GREB1: variants seen among roughly 807,000 people sequenced by gnomAD.
GREB1 encodes growth regulating estrogen receptor binding 1, also known as protein GREB1.
In GREB1, 106 loss-of-function variants were observed where a neutral mutation model predicts 200.7. The ratio of observed to expected loss-of-function variants is 0.53; its 90% CI spans 0.45 to 0.62. The LOEUF is 0.62. Ranked by LOEUF, GREB1 falls within the 20% of genes least tolerant of loss-of-function variation. GREB1 has a pLI of 0.00. For synonymous variants in GREB1, 1,132 were observed against 1,092.4 expected, an observed-to-expected ratio of 1.04 and a Z score of -0.72; for missense variants, 2,243 against 2,556.8, an observed-to-expected ratio of 0.88 and a Z score of 2.65.
intron 1 of GREB1, among the ~76,000 whole-genome samples, chr2:11,495,082 T>C (rs1558482363): frequency 6.6e-6 from 1 of 152,170 alleles, no homozygotes; most frequent in African/African-American, 2.4e-5. Flanking sequence ...TGACATTGAT[T>C]GGTCTTCCTG....
In GREB1 at chr2:11,598,759, G is replaced by C; in HGVS notation, c.2232G>C (p.Thr744=). 6.2e-7 allele frequency: 1 copy of C among 1,614,102 alleles called. No individual in the cohort carries two copies. The highest frequency in any genetic ancestry group is 8.5e-7 in the Non-Finnish European group (1 of 1,179,926). The part of the protein sequence containing the change: ...RVEQYVLKLD[T]EAQTKFKAFL... ...AACAGTATGTTCTGAAGCTAGACACGGAGGCACAGACAAAATTTAAGGCTT... is the reference window on the plus strand; with the variant it reads ...AACAGTATGTTCTGAAGCTAGACACCGAGGCACAGACAAAATTTAAGGCTT... The change falls in exon 15 of 33, where the codon ACG becomes ACC. Residue 744 remains threonine, a synonymous_variant. Coordinates refer to ENST00000381486, the MANE Select transcript of GREB1 (RefSeq NM_014668.4).
chr2:11,559,970 C>G (rs1024142890), intron 2 of GREB1, among the ~76,000 whole-genome samples: 1 of 152,208 alleles, frequency 6.6e-6, no homozygotes, highest in Non-Finnish European at 1.5e-5. Context: ...CTGCTGGAAA[C>G]GTTCAGCTTC....
chr2:11,497,971 CTTTTTTTTTTTTTTTTTTT>C (rs70955803), intron 1 of GREB1, among the ~76,000 whole-genome samples: 41 of 40,626 alleles, frequency 1.0e-3, no homozygotes, highest in Admixed American at 5.3e-3. Context: ...CAGAGCAAAA[CTTTTTTTTTTTTTTTTTTT>C]TTTTTTTTTT....
intron 1 of GREB1, among the ~76,000 whole-genome samples, chr2:11,491,758 C>T (rs1050141870): frequency 1.3e-5 from 2 of 152,180 alleles, no homozygotes; most frequent in Non-Finnish European, 2.9e-5. Flanking sequence ...AGGCTGGAGG[C>T]CATAAGTGGC....
At chr2:11,607,575 CACATATAT>C (rs1196305623) in intron 17 of GREB1, among the ~76,000 whole-genome samples, 1 of 103,428 alleles carries the variant, frequency 9.7e-6, no homozygotes, top group African/African-American at 3.5e-5. Context: ...CGCATATATA[CACATATAT>C]ACATATATAC....
In GREB1 at chr2:11,610,871, C is replaced by A; in HGVS notation, c.2850C>A (p.Val950=). ...GCCCCTGCGGCCACGGGCTCATGGT[C>A]CTGCTGCGGGTGCCCTGTTCGCCCC... ...KQCPCGHGLM[V]LLRVPCSPLA... The change falls in exon 18 of 33, where the codon GTC becomes GTA. Residue 950 remains valine, a synonymous_variant. Coordinates refer to ENST00000381486, the MANE Select transcript of GREB1 (RefSeq NM_014668.4). The A allele has an allele frequency of 6.2e-7, 1 of 1,613,258 alleles. No individual in the cohort carries two copies. The highest frequency in any genetic ancestry group is 8.5e-7 in the Non-Finnish European group (1 of 1,179,866).
chr2:11,536,652 C>T (rs998359719), intron 1 of GREB1, among the ~76,000 whole-genome samples: 7 of 152,146 alleles, frequency 4.6e-5, no homozygotes, highest in African/African-American at 1.7e-4. Context: ...TGGCATTAAG[C>T]AAAGAATTGC....
In GREB1 at chr2:11,611,046, G is replaced by A; in HGVS notation, c.3006+19G>A. The A allele has an allele frequency of 6.6e-7, 1 of 1,525,900 alleles. No homozygotes were observed. Among genetic ancestry groups the A allele is most frequent in the Non-Finnish European group, 8.8e-7 (1 of 1,130,512 alleles). The allele number at this position is 1,525,900 out of a possible 1,614,324, so 94.5% of individuals were successfully genotyped here. On this transcript the variant is annotated intron_variant, in intron 18 of 32. Coordinates refer to ENST00000381486, the MANE Select transcript of GREB1 (RefSeq NM_014668.4). ...GCTCAGGGTAGGTGCTGTGCGCAGG[G>A]AGGGGCGGAGGGCCTGGGGGTACCT...
At chr2:11,502,968 G>T (rs1326659348) in intron 1 of GREB1, among the ~76,000 whole-genome samples, 1 of 152,178 alleles carries the variant, frequency 6.6e-6, no homozygotes, top group Non-Finnish European at 1.5e-5. Context: ...CGACCTCCAG[G>T]CTGTGTTGTT....
chr2:11,516,917 C>T lies in GREB1; in HGVS notation c.-159+34536C>T, dbSNP rs571500752. Among the ~76,000 whole-genome samples, 202 of 152,250 alleles carry T rather than the reference C, an allele frequency of 1.3e-3. 2 individuals carry two copies. The highest frequency in any genetic ancestry group is 4.3e-3 in the African/African-American group (177 of 41,552). The stretch of plus-strand genomic sequence containing the variant: ...TTCTCTTCCGTGGGCAGTGGGGTGG[C>T]GAGGGCTGTGAGGCGGGGAGCATTG... On this transcript the variant is annotated intron_variant, in intron 1 of 2. Transcript: ENST00000628795.
intron 5 of GREB1, among the ~76,000 whole-genome samples, chr2:11,577,441 G>A (rs978778278): frequency 3.3e-5 from 5 of 152,222 alleles, no homozygotes; most frequent in East Asian, 3.8e-4. Context: ...CCAGCTTCAC[G>A]TTGCTGGTCT....
chr2:11,505,602 G>A (rs965124558), intron 1 of GREB1, among the ~76,000 whole-genome samples: 2 of 152,322 alleles, frequency 1.3e-5, no homozygotes, highest in South Asian at 4.1e-4. Context: ...CATGCTTTGG[G>A]AGGCCAAGGC....
chr2:11,547,742 C>CT, intron 1 of GREB1, among the ~76,000 whole-genome samples: 1 of 152,046 alleles, frequency 6.6e-6, no homozygotes, highest in Non-Finnish European at 1.5e-5. Context: ...AAATTCTTTC[C>CT]TTTTTTTCTT....
chr2:11,592,546 A>C (rs1680835792), intron 10 of GREB1, among the ~76,000 whole-genome samples: 1 of 151,044 alleles, frequency 6.6e-6, no homozygotes, highest in Admixed American at 6.6e-5. Flanking sequence ...TTATAATTAA[A>C]AAAAAACTTT....
At chr2:11,514,614 G>C (rs1673436144) in intron 1 of GREB1, among the ~76,000 whole-genome samples, 1 of 152,190 alleles carries the variant, frequency 6.6e-6, no homozygotes. Context: ...AATGAACTTT[G>C]GAGGTTTCAG....
intron 1 of GREB1, chr2:11,540,241 G>A (rs1674627547): frequency 6.6e-6 from 1 of 152,240 alleles, no homozygotes; most frequent in South Asian, 2.1e-4. Context: ...ATAAGGTGCA[G>A]GGGAGCAGTA....
intron 1 of GREB1, among the ~76,000 whole-genome samples, chr2:11,508,003 A>G (rs559408941): frequency 3.0e-4 from 45 of 152,384 alleles, no homozygotes; most frequent in African/African-American, 1.1e-3. Context: ...AGGGAATTAT[A>G]TGCCAAAAAA....
intron 16 of GREB1, among the ~76,000 whole-genome samples, chr2:11,601,606 C>T (rs142082294): frequency 1.4e-3 from 206 of 152,304 alleles, no homozygotes; most frequent in South Asian, 2.1e-3. Context: ...TGGAGTGCCT[C>T]GCAATCCTCT....
In GREB1 at chr2:11,609,500, C is replaced by T. The variant is rs116168444; in HGVS notation, c.2667-1188C>T. Among the ~76,000 whole-genome samples the T allele has an allele frequency of 7.5e-3, 1,148 of 152,200 alleles. 12 individuals are homozygous for T. The highest frequency in any genetic ancestry group is 0.026 in the African/African-American group (1,078 of 41,510). ...GCCAGGGTGGCCTCAAACTCCTGAC[C>T]TCAGGCAATCCGTTTCCTGGGCATT... is the stretch of plus-strand genomic sequence containing the variant. On this transcript the variant is annotated intron_variant, in intron 17 of 32. Coordinates refer to ENST00000381486, the MANE Select transcript of GREB1 (RefSeq NM_014668.4).
Sources: allele counts gnomAD v4.1 joint callset (sites outside exome capture counted in the v4.1 genomes callset), GRCh38; gene constraint gnomAD v4.1.1; transcripts MANE v1.5; gene names NCBI Gene and HGNC (gene_info 2026-07-23, HGNC 2026-07-21).